OXR1: variants seen among roughly 807,000 people sequenced by gnomAD.
OXR1 encodes the protein oxidation resistance protein 1.
OXR1 carries 41 observed loss-of-function variants against 104.6 expected under a neutral mutation model. The observed-to-expected ratio is 0.39, with a 90% CI of 0.31 to 0.51. OXR1 has a LOEUF of 0.51. OXR1 is among the 20% of genes least tolerant of loss of function. OXR1 has a pLI of 0.77. For synonymous variants in OXR1, 348 were observed against 348.4 expected, an observed-to-expected ratio of 1.00 and a Z score of 0.01; for missense variants, 955 against 1,031.9, an observed-to-expected ratio of 0.93 and a Z score of 1.02.
chr8:106,521,317 A>G (rs1017496307), intron 3 of OXR1, among the ~76,000 whole-genome samples: 1 of 152,080 alleles, frequency 6.6e-6, no homozygotes, highest in African/African-American at 2.4e-5. Flanking sequence ...TCCTCAATTC[A>G]CCCTCACAAC....
chr8:106,606,335 C>T (rs1820390801), intron 3 of OXR1, among the ~76,000 whole-genome samples: 1 of 147,224 alleles, frequency 6.8e-6, no homozygotes, highest in African/African-American at 2.5e-5. Context: ...GAGTCCCACT[C>T]TGTTGCCCAG....
chr8:106,737,448 T>A (rs1834498148), intron 11 of OXR1, 72 bp from the exon 12 acceptor site: 1 of 358,130 alleles, frequency 2.8e-6, no homozygotes, highest in Non-Finnish European at 5.0e-6. Context: ...CTCTTTTTTT[T>A]TTTTTTTTTT....
At chr8:106,424,386 C>T (rs1422422948) in intron 2 of OXR1, among the ~76,000 whole-genome samples, 2 of 152,066 alleles carry the variant, frequency 1.3e-5, no homozygotes, top group Non-Finnish European at 2.9e-5. Flanking sequence ...TTCAGATTAT[C>T]ATCTACTTTT....
chr8:106,698,134 C>T (rs530504517), intron 7 of OXR1: 7 of 634,156 alleles, frequency 1.1e-5, no homozygotes, highest in African/African-American at 7.3e-5. Context: ...ACCCAGATAT[C>T]CTCTTCATTT....
intron 2 of OXR1, among the ~76,000 whole-genome samples, chr8:106,408,803 T>C (rs1818346261): frequency 6.6e-6 from 1 of 152,204 alleles, no homozygotes; most frequent in South Asian, 2.1e-4. Context: ...GGTGACTGCC[T>C]GGCTCTAGTG....
rs1342044609 is a variant in OXR1 at position 106,583,793 on chromosome 8, G to C, written c.220+64654G>C. Among the ~76,000 whole-genome samples, 9 of 152,110 alleles carry C rather than the reference G, an allele frequency of 5.9e-5. No homozygotes were observed. The South Asian group carries it at 6.2e-4, about 11-fold the overall frequency. On this transcript the variant is annotated intron_variant, in intron 3 of 16. Coordinates refer to ENST00000517566, the MANE Select transcript of OXR1 (RefSeq NM_001198533.2). ...AAAGTATCTTTTCGAAAAGCAGATT[G>C]ACCTAGGAGAGAAGACTTAACGTTA...
chr8:106,379,536 T>G (rs1181832156), intron 2 of OXR1, among the ~76,000 whole-genome samples: 3 of 103,958 alleles, frequency 2.9e-5, no homozygotes, highest in African/African-American at 1.4e-4. Context: ...TTTCTTTCTT[T>G]CTTTTTTTTT....
chr8:106,671,044 C>CAAAAAAAAAAAAA (rs60404483), intron 3 of OXR1, among the ~76,000 whole-genome samples: 22 of 48,940 alleles, frequency 4.5e-4, no homozygotes, highest in African/African-American at 2.0e-3. Flanking sequence ...GACTCTGTCT[C>CAAAAAAAAAAAAA]AAAAAAAAAA....
chr8:106,304,294 T>C (rs1813386218), intron 1 of OXR1, among the ~76,000 whole-genome samples: 2 of 152,228 alleles, frequency 1.3e-5, no homozygotes, highest in South Asian at 4.1e-4. Flanking sequence ...TGATCATTTC[T>C]TCTGTCTGAA....
intron 3 of OXR1, among the ~76,000 whole-genome samples, chr8:106,531,686 T>C (rs1440263246): frequency 6.6e-6 from 1 of 152,190 alleles, no homozygotes; most frequent in East Asian, 1.9e-4. Context: ...GAAGTCTTTT[T>C]CAAGTACTAT....
At chr8:106,557,634 A>G (rs2130465204) in intron 3 of OXR1, among the ~76,000 whole-genome samples, 1 of 152,170 alleles carries the variant, frequency 6.6e-6, no homozygotes, top group South Asian at 2.1e-4. Context: ...AATTCATCAC[A>G]TAGGATACTC....
chr8:106,730,668 T>C (rs1310377233), intron 11 of OXR1, among the ~76,000 whole-genome samples: 1 of 152,298 alleles, frequency 6.6e-6, no homozygotes, highest in Admixed American at 6.5e-5. Context: ...TTGGCACTTA[T>C]GAAAAGAAAC....
At chr8:106,584,225 A>G (rs1384794908) in intron 3 of OXR1, among the ~76,000 whole-genome samples, 1 of 152,022 alleles carries the variant, frequency 6.6e-6, no homozygotes, top group Non-Finnish European at 1.5e-5. Context: ...TGAAAATAAT[A>G]GAGAAAAAGT....
At chr8:106,418,943 G>GA (rs1188460678) in intron 2 of OXR1, among the ~76,000 whole-genome samples, 10 of 151,824 alleles carry the variant, frequency 6.6e-5, no homozygotes, top group Non-Finnish European at 5.9e-5. Context: ...TTAGTTTTCA[G>GA]AAAAAAGTTA....
intron 2 of OXR1, among the ~76,000 whole-genome samples, chr8:106,442,664 AATT>A (rs1166434863): frequency 6.6e-6 from 1 of 152,086 alleles, no homozygotes; most frequent in African/African-American, 2.4e-5. Flanking sequence ...TGCGTCCAGG[AATT>A]TATCCATTTC....
chr8:106,505,171 C>T (rs766609896), intron 2 of OXR1, among the ~76,000 whole-genome samples: 11 of 151,932 alleles, frequency 7.2e-5, no homozygotes, highest in Non-Finnish European at 1.0e-4. Flanking sequence ...TAATTTCTTG[C>T]GAAAGATTTG....
intron 2 of OXR1, among the ~76,000 whole-genome samples, chr8:106,406,906 T>C (rs1175625197): frequency 6.6e-6 from 1 of 150,646 alleles, no homozygotes; most frequent in African/African-American, 2.5e-5. Context: ...ATTAGTTTGG[T>C]GCAAAAGTAA....
chr8:106,363,896 AG>A (rs1364665418), intron 2 of OXR1, among the ~76,000 whole-genome samples: 6 of 152,186 alleles, frequency 3.9e-5, no homozygotes, highest in Non-Finnish European at 8.8e-5. Flanking sequence ...AGGCCCTGGA[AG>A]AAATAACGTT....
At chr8:106,462,363 C>T (rs1472680867) in intron 2 of OXR1, among the ~76,000 whole-genome samples, 1 of 152,146 alleles carries the variant, frequency 6.6e-6, no homozygotes, top group Non-Finnish European at 1.5e-5. Flanking sequence ...CTCTTAATTG[C>T]TCTTTCTGCA....
Sources: allele counts gnomAD v4.1 joint callset (sites outside exome capture counted in the v4.1 genomes callset), GRCh38; gene constraint gnomAD v4.1.1; transcripts MANE v1.5; gene names NCBI Gene and HGNC (gene_info 2026-07-23, HGNC 2026-07-21).